Variants in CNTNAP5 observed in about 807,000 individuals in gnomAD.
CNTNAP5 encodes the protein contactin associated protein family member 5.
In CNTNAP5, 72 loss-of-function variants were observed where a neutral mutation model predicts 150.2. That is an observed-to-expected ratio of 0.48 (90% confidence interval 0.40 to 0.58). CNTNAP5 has a LOEUF of 0.58. CNTNAP5 is among the 20% of genes least tolerant of loss of function. CNTNAP5 has a pLI of 0.00. For synonymous variants in CNTNAP5, 672 were observed against 619.8 expected, an observed-to-expected ratio of 1.08 and a Z score of -1.25; for missense variants, 1,636 against 1,626.2, an observed-to-expected ratio of 1.01 and a Z score of -0.10.
At position 124,914,507 on chromosome 2, in the gene CNTNAP5, A is replaced by G; in HGVS notation, c.*219A>G. ...TCCTCTCTGATGAACCTATCGGGTG[A>G]AAACGACCACTCAAGAGACTGACTT... On this transcript the variant is annotated 3_prime_UTR_variant, in exon 24 of 24. Transcript: ENST00000682447. 1 of 526,418 alleles carries G rather than the reference A, an allele frequency of 1.9e-6. No homozygotes were observed. Among genetic ancestry groups the G allele is most frequent in the Non-Finnish European group, 3.4e-6 (1 of 291,320 alleles). The allele number at this position is 526,418 out of a possible 1,614,324, so 32.6% of individuals were successfully genotyped here. A position where few individuals can be genotyped will look rare whatever the true frequency, so the allele number is the denominator to read the frequency against.
intron 3 of CNTNAP5, among the ~76,000 whole-genome samples, chr2:124,361,316 G>A (rs370829694): frequency 6.9e-6 from 1 of 144,926 alleles, no homozygotes; most frequent in Non-Finnish European, 1.5e-5. Flanking sequence ...GCTCATCAAA[G>A]TCATTCTCCA....
intron 11 of CNTNAP5, among the ~76,000 whole-genome samples, chr2:124,565,170 C>T (rs1185937875): frequency 1.3e-5 from 2 of 152,196 alleles, no homozygotes; most frequent in Non-Finnish European, 2.9e-5. Flanking sequence ...GAAGTCTGAT[C>T]AATTTAGAGA....
intron 3 of CNTNAP5, among the ~76,000 whole-genome samples, chr2:124,269,530 A>G (rs991867008): frequency 5.9e-5 from 9 of 152,130 alleles, no homozygotes; most frequent in African/African-American, 2.2e-4. Context: ...TGTGCCTGCA[A>G]TCGCTGGGAG....
intron 3 of CNTNAP5, among the ~76,000 whole-genome samples, chr2:124,314,706 T>C (rs1285692249): frequency 1.3e-5 from 2 of 152,222 alleles, no homozygotes; most frequent in East Asian, 3.8e-4. Context: ...TCATCATTTT[T>C]ACCCAGGCAT....
intron 1 of CNTNAP5, among the ~76,000 whole-genome samples, chr2:124,137,080 C>T (rs1051410264): frequency 6.6e-6 from 1 of 152,064 alleles, no homozygotes; most frequent in Non-Finnish European, 1.5e-5. Flanking sequence ...GTTCTGTGCT[C>T]ATGCCTGTCT....
chr2:124,039,993 G>T (rs1162774181), intron 1 of CNTNAP5, among the ~76,000 whole-genome samples: 1 of 151,964 alleles, frequency 6.6e-6, no homozygotes, highest in Non-Finnish European at 1.5e-5. Context: ...ATCCCCCAAG[G>T]TCAATATTGA....
intron 3 of CNTNAP5, among the ~76,000 whole-genome samples, chr2:124,391,789 A>C (rs60417367): frequency 0.1 from 15,731 of 152,010 alleles, 1,179 homozygotes; most frequent in African/African-American, 0.22. Flanking sequence ...CCCCGTCTCT[A>C]CTAAAAAATA....
At chr2:124,698,854 C>G (rs1679460536) in intron 13 of CNTNAP5, among the ~76,000 whole-genome samples, 1 of 152,150 alleles carries the variant, frequency 6.6e-6, no homozygotes. Context: ...GAGACTCACT[C>G]TGCCCTCTTT....
At chr2:124,809,700 A>G (rs939062563) in intron 19 of CNTNAP5, among the ~76,000 whole-genome samples, 1 of 152,210 alleles carries the variant, frequency 6.6e-6, no homozygotes, top group Non-Finnish European at 1.5e-5. Flanking sequence ...AGCAAGTTGA[A>G]TAAAAATTAA....
At chr2:124,047,652 A>G (rs1165532352) in intron 1 of CNTNAP5, among the ~76,000 whole-genome samples, 1 of 152,336 alleles carries the variant, frequency 6.6e-6, no homozygotes, top group South Asian at 2.1e-4. Context: ...GATGACCTCC[A>G]TGTTATCTAG....
chr2:124,054,376 G>A (rs1681790362), intron 1 of CNTNAP5, among the ~76,000 whole-genome samples: 1 of 152,148 alleles, frequency 6.6e-6, no homozygotes, highest in African/African-American at 2.4e-5. Flanking sequence ...AAAAATTAGA[G>A]CTGATGCACT....
chr2:124,863,255 C>T (rs1677562360), intron 19 of CNTNAP5, among the ~76,000 whole-genome samples: 1 of 152,130 alleles, frequency 6.6e-6, no homozygotes, highest in Admixed American at 6.5e-5. Flanking sequence ...TTAAGACACA[C>T]AGATTCTTAG....
intron 22 of CNTNAP5, among the ~76,000 whole-genome samples, chr2:124,904,076 A>AAG (rs1678478090): frequency 6.6e-6 from 1 of 151,204 alleles, no homozygotes; most frequent in African/African-American, 2.4e-5. Context: ...AAAAAAAAAA[A>AAG]AACCAAAATG....
rs538439306 is a variant in CNTNAP5 at position 124,615,127 on chromosome 2, A to G, written c.1876+5207A>G. On this transcript the variant is annotated intron_variant, in intron 12 of 23. Coordinates refer to ENST00000682447, the MANE Select transcript of CNTNAP5 (RefSeq NM_001367498.1). ...GAGGAAAAAGATGTTAGTGGCTGCT[A>G]ACTGATTAGGATGGTGGTTGCTGAA... Among the ~76,000 whole-genome samples, 443 of 152,314 alleles carry G rather than the reference A, an allele frequency of 2.9e-3. 2 individuals carry two copies. The highest frequency in any genetic ancestry group is 4.2e-3 in the Non-Finnish European group (283 of 68,026).
intron 12 of CNTNAP5, among the ~76,000 whole-genome samples, chr2:124,647,205 G>C (rs879747981): frequency 4.9e-4 from 75 of 152,070 alleles, no homozygotes; most frequent in Admixed American, 3.3e-4. Context: ...GAGGTAATAC[G>C]GGGAATAAAT....
At chr2:124,895,065 G>A (rs749900415) in intron 21 of CNTNAP5, among the ~76,000 whole-genome samples, 13 of 151,438 alleles carry the variant, frequency 8.6e-5, no homozygotes, top group Non-Finnish European at 1.6e-4. Context: ...ATTTAGCCAG[G>A]TAGTTAGTGT....
chr2:124,889,138 A>G (rs1295300087), intron 21 of CNTNAP5, among the ~76,000 whole-genome samples: 1 of 120,190 alleles, frequency 8.3e-6, no homozygotes, highest in Non-Finnish European at 1.6e-5. Flanking sequence ...TCACCCAGGC[A>G]CCCAGGCTGG....
chr2:124,914,207 A>G lies in CNTNAP5; in HGVS notation c.3843A>G (p.Pro1281=), dbSNP rs374738067. 4.9e-5 allele frequency: 79 copies of G among 1,612,642 alleles called. No individual in the cohort carries two copies. In the African/African-American group the frequency reaches 9.9e-4, roughly 20 times the overall value. Reference sequence around the variant, plus strand: ...GCCAGATGAAGGAGAAGGAATATCCAGAAAATTTGGACAGTTCCTTCAGAA... The same window carrying G: ...GCCAGATGAAGGAGAAGGAATATCCGGAAAATTTGGACAGTTCCTTCAGAA... ...RTSQMKEKEY[P]ENLDSSFRNE... Residue 1281 remains proline (P), a synonymous_variant, in exon 24 of 24, where the codon CCA becomes CCG. Transcript: ENST00000682447.
intron 4 of CNTNAP5, among the ~76,000 whole-genome samples, chr2:124,419,960 T>TTC (rs1553466666): frequency 1.2e-4 from 2 of 16,966 alleles, no homozygotes; most frequent in Admixed American, 8.0e-4. Context: ...TTCTTTCCTT[T>TTC]TCTCTCTCTC....
Sources: allele counts gnomAD v4.1 joint callset (sites outside exome capture counted in the v4.1 genomes callset), GRCh38; gene constraint gnomAD v4.1.1; transcripts MANE v1.5; gene names NCBI Gene and HGNC (gene_info 2026-07-23, HGNC 2026-07-21).